SNX3: variants seen among roughly 807,000 people sequenced by gnomAD.
SNX3 encodes the protein sorting nexin 3.
Under a neutral mutation model 17.7 loss-of-function variants are expected in SNX3, and 5 were observed. That is an observed-to-expected ratio of 0.28 (90% CI 0.15 to 0.59). The LOEUF (loss-of-function observed/expected upper bound fraction) is 0.59, where lower values mean the gene tolerates loss of function less well. Ranked by LOEUF, SNX3 falls within the 20% of genes least tolerant of loss-of-function variation. The pLI, the probability that SNX3 is intolerant of heterozygous loss-of-function variation, is 0.88. For missense variants in SNX3, 132 were observed against 206.8 expected, an observed-to-expected ratio of 0.64 and a Z score of 2.22; for synonymous variants, 91 against 76.5, an observed-to-expected ratio of 1.19 and a Z score of -0.99.
At chr6:108,225,298 A>C (rs1032574434) in intron 1 of SNX3, among the ~76,000 whole-genome samples, 25 of 151,310 alleles carry the variant, frequency 1.7e-4, no homozygotes, top group African/African-American at 5.8e-4. Flanking sequence ...CAAAAACAAC[A>C]ACAAGAAAAA....
intron 2 of SNX3, among the ~76,000 whole-genome samples, chr6:108,220,188 T>C (rs1774712511): frequency 6.6e-6 from 1 of 152,122 alleles, no homozygotes. Context: ...ATTTTATAAA[T>C]TATAAATTTC....
intron 1 of SNX3, 51 bp from the exon 2 acceptor site, chr6:108,223,096 A>C (rs748333750): frequency 1.1e-6 from 1 of 944,714 alleles, no homozygotes; most frequent in Non-Finnish European, 1.7e-6. Context: ...GGAAACTTCA[A>C]AAAAATGGGG....
intron 1 of SNX3, among the ~76,000 whole-genome samples, chr6:108,223,444 A>G (rs186343674): frequency 1.7e-4 from 25 of 148,292 alleles, no homozygotes; most frequent in Non-Finnish European, 3.7e-4. Flanking sequence ...GGCCGAAATC[A>G]TGATGTTTTT....
At chr6:108,258,862 TA>T (rs111957286) in intron 1 of SNX3, among the ~76,000 whole-genome samples, 47 of 147,268 alleles carry the variant, frequency 3.2e-4, no homozygotes, top group South Asian at 4.3e-4. Context: ...TTAGGTGTAT[TA>T]AAAAAAAAAG....
intron 2 of SNX3, among the ~76,000 whole-genome samples, chr6:108,219,165 A>C (rs374130315): frequency 6.6e-6 from 1 of 152,212 alleles, no homozygotes; most frequent in East Asian, 1.9e-4. Flanking sequence ...TCTTGCTAAC[A>C]CGGTGAAACC....
chr6:108,256,320 C>T (rs1179850567), intron 1 of SNX3, among the ~76,000 whole-genome samples: 1 of 152,194 alleles, frequency 6.6e-6, no homozygotes, highest in African/African-American at 2.4e-5. Context: ...TGAAGGTATA[C>T]TTCCATGACA....
At chr6:108,260,118 G>A (rs1217011538) in intron 1 of SNX3, among the ~76,000 whole-genome samples, 2 of 152,214 alleles carry the variant, frequency 1.3e-5, no homozygotes, top group Non-Finnish European at 2.9e-5. Flanking sequence ...TAAAGCAACT[G>A]TAGTTCTGGA....
At chr6:108,230,261 T>G (rs1366123898) in intron 1 of SNX3, among the ~76,000 whole-genome samples, 2 of 152,122 alleles carry the variant, frequency 1.3e-5, no homozygotes, top group Non-Finnish European at 2.9e-5. Flanking sequence ...CTCACTCTAA[T>G]ATTCATATTT....
intron 2 of SNX3, among the ~76,000 whole-genome samples, chr6:108,217,895 T>C (rs1774638510): frequency 6.6e-6 from 1 of 152,192 alleles, no homozygotes; most frequent in African/African-American, 2.4e-5. Context: ...CTAAAAGATC[T>C]GACCATAATA....
intron 1 of SNX3, among the ~76,000 whole-genome samples, chr6:108,254,005 T>A (rs191493254): frequency 1.2e-3 from 186 of 151,888 alleles, no homozygotes; most frequent in African/African-American, 4.2e-3. Flanking sequence ...CAGGCACCTG[T>A]AGTCCCAGCT....
chr6:108,221,253 T>C (rs1196547192), intron 2 of SNX3, among the ~76,000 whole-genome samples: 2 of 151,588 alleles, frequency 1.3e-5, no homozygotes, highest in East Asian at 3.9e-4. Flanking sequence ...ACTTCCTACT[T>C]CCCTTAGTTT....
chr6:108,251,144 T>A (rs1287846951), intron 1 of SNX3, among the ~76,000 whole-genome samples: 1 of 152,154 alleles, frequency 6.6e-6, no homozygotes, highest in Middle Eastern at 3.2e-3. Flanking sequence ...CTATCAGATA[T>A]GCCATGTCTT....
At chr6:108,239,106 T>A (rs964022994) in intron 1 of SNX3, among the ~76,000 whole-genome samples, 2 of 152,132 alleles carry the variant, frequency 1.3e-5, no homozygotes, top group African/African-American at 4.8e-5. Flanking sequence ...TTTCGCCACA[T>A]TGGCCAGGCT....
At chr6:108,260,661 G>A (rs1237777905) in intron 1 of SNX3, 99 bp downstream of exon 1, 2 of 1,401,470 alleles carry the variant, frequency 1.4e-6, no homozygotes, top group South Asian at 2.4e-5. Context: ...TCCCGGCCTG[G>A]GAGGCTGTGG....
chr6:108,260,488 C>T (rs1305720188), intron 1 of SNX3, among the ~76,000 whole-genome samples: 1 of 152,228 alleles, frequency 6.6e-6, no homozygotes, highest in African/African-American at 2.4e-5. Flanking sequence ...AATGTCATTC[C>T]CTGATCAGCT....
rs1310450278 is a variant in SNX3, at chr6:108,260,754, C to T, written c.162+6G>A. 6.2e-7 allele frequency: 1 copy of T among 1,613,574 alleles called. No homozygotes were observed. Among genetic ancestry groups the T allele is most frequent in the Non-Finnish European group, 8.5e-7 (1 of 1,179,694 alleles). ...GTTTCTTGGGAGAGGGGAGAGACGG[C>T]CTCACCTTGACCCTGATTTCGTAAG... On this transcript the variant is annotated splice_donor_region_variant and intron_variant, in intron 1 of 3. Transcript: ENST00000230085.
At chr6:108,260,602 A>C (rs1004401815) in intron 1 of SNX3, among the ~76,000 whole-genome samples, 158 bp downstream of exon 1, 65 of 152,174 alleles carry the variant, frequency 4.3e-4, no homozygotes, top group African/African-American at 1.4e-3. Context: ...CCAGCCCTAC[A>C]GGAAGAGGGG....
intron 2 of SNX3, among the ~76,000 whole-genome samples, chr6:108,217,808 C>T (rs961774690): frequency 2.6e-5 from 4 of 151,250 alleles, no homozygotes; most frequent in Non-Finnish European, 5.9e-5. Flanking sequence ...AAGATATGTG[C>T]GTGCATGTGG....
intron 1 of SNX3, among the ~76,000 whole-genome samples, chr6:108,246,784 T>C (rs183545473): frequency 2.0e-5 from 3 of 152,208 alleles, no homozygotes; most frequent in Non-Finnish European, 1.5e-5. Context: ...CATAACTCAG[T>C]GCAGATTCTA....
Sources: allele counts gnomAD v4.1 joint callset (sites outside exome capture counted in the v4.1 genomes callset), GRCh38; gene constraint gnomAD v4.1.1; transcripts MANE v1.5; gene names NCBI Gene and HGNC (gene_info 2026-07-23, HGNC 2026-07-21).